MYO15B: variants seen among roughly 807,000 people sequenced by gnomAD.
MYO15B encodes the protein myosin XVB pseudogene.
A neutral mutation model predicts 119.3 loss-of-function variants in MYO15B; 207 were observed. The ratio of observed to expected loss-of-function variants is 1.73; its 90% CI spans 1.55 to 1.95. The LOEUF (loss-of-function observed/expected upper bound fraction) is 1.95. Ranked by LOEUF, MYO15B falls within the 30% of genes most tolerant of loss-of-function variation. The pLI is 0.00. For synonymous variants in MYO15B, 966 were observed against 498.9 expected, an observed-to-expected ratio of 1.94 and a Z score of -12.48; for missense variants, 2,264 against 1,203.1, an observed-to-expected ratio of 1.88 and a Z score of -13.04.
In MYO15B at chr17:75,594,982, TGGG is replaced by T. The variant is rs1379585103; in HGVS notation, c.3297+12_3297+14del. On this transcript the variant is annotated intron_variant, in intron 12 of 63. Coordinates refer to ENST00000645453, the Ensembl canonical transcript of MYO15B. Reference sequence around the variant, plus strand: ...TGCCTACGGCTTTGAGGTCACCCCTTGGGGTGGGGCCCAGGAAAGGGGGCACCC... The same window carrying T: ...TGCCTACGGCTTTGAGGTCACCCCTTGTGGGGCCCAGGAAAGGGGGCACCC... 5 of 702,716 alleles carry T rather than the reference TGGG, an allele frequency of 7.1e-6. No individual in the cohort carries two copies. Among genetic ancestry groups the T allele is most frequent in the Non-Finnish European group, 1.3e-5 (5 of 384,896 alleles). 43.5% of individuals were successfully genotyped at this position (702,716 alleles called of 1,614,324 possible).
chr17:75,589,353 G>A lies in MYO15B; in HGVS notation c.1296G>A (p.Gly432=). 2.6e-6 allele frequency: 1 copy of A among 388,132 alleles called. No homozygotes were observed. Among genetic ancestry groups the A allele is most frequent in the East Asian group, 3.7e-5 (1 of 27,004 alleles). 24.0% of individuals were successfully genotyped at this position (388,132 alleles called of 1,614,324 possible). ...GGGGCCGCGGGAAAGCGGATGAAGGGCGGGGCCACGAGCGAGGGGACGAGG... is the reference window on the plus strand; with the variant it reads ...GGGGCCGCGGGAAAGCGGATGAAGGACGGGGCCACGAGCGAGGGGACGAGG... The change falls in exon 1 of 64, where the codon GGG becomes GGA. Residue 432 remains glycine, a synonymous_variant. Transcript: ENST00000645453. This position sits in a 1 kb window ranked among gnomAD's most constrained non-coding sequence, Gnocchi z 4.2.
At chr17:75,621,948 G>A (rs923434006) in intron 52 of MYO15B, 56 bp from the exon 53 acceptor site, 18 of 696,720 alleles carry the variant, frequency 2.6e-5, no homozygotes, top group Middle Eastern at 2.3e-4. Context: ...AGCATGAGCC[G>A]GGGCCAGCCC....
In MYO15B at chr17:75,597,663, G is replaced by C. The variant is rs529977387; in HGVS notation, c.3525+764G>C. 8.5e-4 allele frequency among the ~76,000 whole-genome samples: 129 copies of C among 152,328 alleles called. 3 individuals carry two copies. In the South Asian group the frequency reaches 0.025, roughly 30 times the overall value. On this transcript the variant is annotated intron_variant, in intron 14 of 63. Transcript: ENST00000645453. ...GCCTTGGCCAAGCTCAGTGGCTCACGCCTGTAATCCCAGAACTTTGGGAGG... is the reference window on the plus strand; with the variant it reads ...GCCTTGGCCAAGCTCAGTGGCTCACCCCTGTAATCCCAGAACTTTGGGAGG...
Position 75,623,769 on chromosome 17 carries a change from C to T in MYO15B, c.8083-12C>T, listed in dbSNP as rs141535977. On this transcript the variant is annotated splice_polypyrimidine_tract_variant and intron_variant, in intron 53 of 63. Transcript: ENST00000645453. ...CCATCCCTCACCCCACCTGCCCTTC[C>T]TGTCCCCACAGCTGTGCCAGCAGGA... is the stretch of plus-strand genomic sequence containing the variant. The T allele has an allele frequency of 5.8e-5, 41 of 703,226 alleles. 1 individual carries two copies. The East Asian group carries it at 1.1e-3, about 19-fold the overall frequency. The allele number at this position is 703,226 out of a possible 1,614,324, so 43.6% of individuals were successfully genotyped here.
In MYO15B at chr17:75,603,032, G is replaced by GAGCCATGTCTATTTCATCCAGTGCCT. The variant is rs2057385246; in HGVS notation, c.3847_3872dup (p.Thr1292AlafsTer25). 1 of 703,222 alleles carries GAGCCATGTCTATTTCATCCAGTGCCT rather than the reference G, an allele frequency of 1.4e-6. No homozygotes were observed. The highest frequency in any genetic ancestry group is 2.0e-5 in the Admixed American group (1 of 49,988). 43.6% of individuals were successfully genotyped at this position (703,222 alleles called of 1,614,324 possible). ...GAGTGACCCCTCTTTCCCTCATCAG[G>GAGCCATGTCTATTTCATCCAGTGCCT]AGCCATGTCTATTTCATCCAGTGCC... On this transcript the variant is annotated frameshift_variant and splice_region_variant, in exon 18 of 64. Transcript: ENST00000645453. LOFTEE classifies it high-confidence loss of function.
intron 61 of MYO15B, 62 bp downstream of exon 61, chr17:75,625,722 G>A (rs1224255273): frequency 2.9e-6 from 2 of 701,472 alleles, no homozygotes; most frequent in Non-Finnish European, 5.2e-6. Context: ...AGGAATGCAG[G>A]TAGAGGGGCG....
chr17:75,621,381 C>T lies in MYO15B; in HGVS notation c.7908C>T (p.Asp2636=), dbSNP rs149275965. The stretch of plus-strand genomic sequence containing the variant: ...CTGATGGAGGTGCCGCAGGAAAGGA[C>T]ACGGACAGCCTGGTGCAGTACACCA... Residue 2636 remains aspartate (D), a synonymous_variant, in exon 51 of 64, where the codon GAC becomes GAT. Transcript: ENST00000645453. The T allele has an allele frequency of 2.1e-3, 1,480 of 701,752 alleles. 5 individuals carry two copies. The highest frequency in any genetic ancestry group is 3.2e-3 in the Non-Finnish European group (1,215 of 384,076). The allele number at this position is 701,752 out of a possible 1,614,324, so 43.5% of individuals were successfully genotyped here.
chr17:75,597,546 C>T (rs937492087), intron 14 of MYO15B, among the ~76,000 whole-genome samples: 1 of 152,204 alleles, frequency 6.6e-6, no homozygotes, highest in South Asian at 2.1e-4. Context: ...AGGAACTGTG[C>T]TAAGGATAAA....
At chr17:75,592,829 T>G (rs1443358098) in exon 9 of MYO15B, 1 of 702,048 alleles carries the variant, frequency 1.4e-6, no homozygotes, top group East Asian at 2.7e-5. Context: ...CATCTGCTTC[T>G]CCTCCTCAGA....
chr17:75,626,785 C>A, exon 64 of MYO15B: 1 of 520,834 alleles, frequency 1.9e-6, no homozygotes, highest in Non-Finnish European at 3.5e-6. Context: ...GCCCAGGCCC[C>A]ACATTAGCAC....
chr17:75,623,973 C>T (rs1296620549), exon 55 of MYO15B: 2 of 703,020 alleles, frequency 2.8e-6, no homozygotes, highest in East Asian at 5.4e-5. Context: ...GAGGCTGGAG[C>T]TTCCTCAGCC....
Position 75,625,228 on chromosome 17 carries a change from ACCCCCTCAGGGTGAGT to A in MYO15B, c.8795_8804+6del. On this transcript the variant is annotated splice_donor_variant and splice_donor_5th_base_variant and coding_sequence_variant and intron_variant, in exon 60 of 64. Coordinates refer to ENST00000645453, the Ensembl canonical transcript of MYO15B. LOFTEE classifies it high-confidence loss of function. ...GCACCTCAGCAAGGCCAACAGGAAT[ACCCCCTCAGGGTGAGT>A]GGAGGCACCTCCCGCCCCTAAGCCC... The A allele has an allele frequency of 1.4e-6, 1 of 700,748 alleles. No homozygotes were observed. Among genetic ancestry groups the A allele is most frequent in the Non-Finnish European group, 2.6e-6 (1 of 383,698 alleles). 43.4% of individuals were successfully genotyped at this position (700,748 alleles called of 1,614,324 possible).
Position 75,596,571 on chromosome 17 carries a change from G to T in MYO15B, c.3393+16G>T. ...CCAGGAGGAGGTAAGAGGATTGGGC[G>T]TGGACGTGGCAGGGGCCGCTCAGGC... On this transcript the variant is annotated intron_variant, in intron 13 of 63. Coordinates refer to ENST00000645453, the Ensembl canonical transcript of MYO15B. 1.4e-6 allele frequency: 1 copy of T among 702,956 alleles called. No homozygotes were observed. The highest frequency in any genetic ancestry group is 2.7e-5 in the East Asian group (1 of 37,292). 43.5% of individuals were successfully genotyped at this position (702,956 alleles called of 1,614,324 possible).
At chr17:75,619,822 G>C in intron 46 of MYO15B, 23 bp downstream of exon 46, 1 of 702,688 alleles carries the variant, frequency 1.4e-6, no homozygotes, top group Admixed American at 2.0e-5. Flanking sequence ...ACGACCCTGG[G>C]CTAGAGGTGG....
At chr17:75,605,151 A>G (rs76445888) in intron 19 of MYO15B, among the ~76,000 whole-genome samples, 6,352 of 150,912 alleles carry the variant, frequency 0.042, 720 homozygotes, top group East Asian at 0.35. Flanking sequence ...AAAAAAAACC[A>G]AAAAGGCCGG....
Position 75,588,389 on chromosome 17 carries a change from A to C in MYO15B, c.332A>C (p.Glu111Ala), listed in dbSNP as rs372582469. Residue 111 changes from glutamate (E) to alanine (A), a missense_variant, in exon 1 of 64, where the codon GAG (glutamate) becomes GCG (alanine). Transcript: ENST00000645453. ...AGGGGCGGCCGCGGGGGGCGCCTGGAGGAGGGAAGCCTCTCCGGAGGAGAA... is the reference window on the plus strand; with the variant it reads ...AGGGGCGGCCGCGGGGGGCGCCTGGCGGAGGGAAGCCTCTCCGGAGGAGAA... 45 of 398,492 alleles carry C rather than the reference A, an allele frequency of 1.1e-4. No homozygotes were observed. In the East Asian group the frequency reaches 1.5e-3, roughly 14 times the overall value. 24.7% of individuals were successfully genotyped at this position (398,492 alleles called of 1,614,324 possible).
At chr17:75,619,759 G>C in exon 46 of MYO15B, 1 of 702,898 alleles carries the variant, frequency 1.4e-6, no homozygotes, top group Non-Finnish European at 2.6e-6. Flanking sequence ...CCAAGGCCCC[G>C]GCCTCCGCCC....
Position 75,615,789 on chromosome 17 carries a change from G to A in MYO15B, c.5935G>A (p.Ala1979Thr), listed in dbSNP as rs1052143924. The change falls in exon 36 of 64, where the codon GCC becomes ACC. Residue 1979 changes from alanine (A) to threonine (T), a missense_variant. Ala to Thr is a moderately conservative substitution (Grantham distance 58). Coordinates refer to ENST00000645453, the Ensembl canonical transcript of MYO15B. ...TCGGGCCTCCGAGGCTGCGTCCCAG[G>A]CCTCACCCTCAGCCGTCACCTCCAA... 1.0e-5 allele frequency: 7 copies of A among 702,438 alleles called. No homozygotes were observed. In the Admixed American group the frequency reaches 1.2e-4, roughly 12 times the overall value. 43.5% of individuals were successfully genotyped at this position (702,438 alleles called of 1,614,324 possible). A position where few individuals can be genotyped will look rare whatever the true frequency, so the allele number is the denominator to read the frequency against.
rs1303389257 is a variant in MYO15B at position 75,589,285 on chromosome 17, A to T, written c.1228A>T (p.Lys410Ter). 1 of 394,806 alleles carries T rather than the reference A, an allele frequency of 2.5e-6. No individual in the cohort carries two copies. Among genetic ancestry groups the T allele is most frequent in the Non-Finnish European group, 4.4e-6 (1 of 224,736 alleles). The allele number at this position is 394,806 out of a possible 1,614,324, so 24.5% of individuals were successfully genotyped here. ...GGCGAGCGAGGGGTGGGGCCGCCGG[A>T]AACCGGACGAGGGGCGGGGTCATGG... The change falls in exon 1 of 64, where the codon AAA (lysine) becomes TAA (stop). Residue 410 changes from lysine (K) to a stop codon, truncating the protein, a stop_gained. Coordinates refer to ENST00000645453, the Ensembl canonical transcript of MYO15B. LOFTEE classifies it high-confidence loss of function. This position sits in a 1 kb window ranked among gnomAD's most constrained non-coding sequence, Gnocchi z 4.2.
Sources: gnomAD v4.1 joint callset for allele counts (sites outside exome capture counted in the v4.1 genomes callset) on GRCh38, gnomAD v4.1.1 for gene constraint, Gnocchi (gnomAD v3.1) non-coding constraint, MANE v1.5 for transcripts, NCBI Gene and HGNC (gene_info 2026-07-23, HGNC 2026-07-21) for gene names.